Variants in WWC1 observed in about 807,000 individuals in gnomAD.
WWC1 encodes WW and C2 domain containing 1.
WWC1 carries 55 observed loss-of-function variants against 138.4 expected under a neutral mutation model. The ratio of observed to expected loss-of-function variants is 0.40; its 90% CI spans 0.32 to 0.50. The LOEUF (loss-of-function observed/expected upper bound fraction) is 0.50, where lower values mean the gene tolerates loss of function less well. WWC1 is among the 20% of genes least tolerant of loss of function. The pLI is 0.72. For synonymous variants in WWC1, 524 were observed against 564.9 expected, an observed-to-expected ratio of 0.93 and a Z score of 1.03; for missense variants, 1,226 against 1,420.4, an observed-to-expected ratio of 0.86 and a Z score of 2.20.
intron 1 of WWC1, among the ~76,000 whole-genome samples, chr5:168,317,591 A>G (rs73801877): frequency 1.3e-5 from 2 of 152,186 alleles, no homozygotes; most frequent in African/African-American, 2.4e-5. Flanking sequence ...ATCCTGTCCT[A>G]TTTCCCCCAT....
At position 168,292,098 on chromosome 5, in the gene WWC1, G is replaced by A; in HGVS notation, c.-55G>A. ...CTAAGAGCGGCCGGCTGGAGCCGCT[G>A]AGCCCCCGCTGCGGCCGGGAGCTGC... On this transcript the variant is annotated 5_prime_UTR_variant, in exon 1 of 23. An upstream open reading frame in the 5' UTR loses its in-frame stop. Transcript: ENST00000265293. The surrounding 1 kb of genome is among the most constrained non-coding windows in gnomAD (Gnocchi z 4.4). The A allele has an allele frequency of 6.8e-7, 1 of 1,474,938 alleles. No homozygotes were observed. The highest frequency in any genetic ancestry group is 9.0e-7 in the Non-Finnish European group (1 of 1,114,980). The allele number at this position is 1,474,938 out of a possible 1,614,324, so 91.4% of individuals were successfully genotyped here. A position where few individuals can be genotyped will look rare whatever the true frequency, so the allele number is the denominator to read the frequency against.
chr5:168,383,793 C>G (rs1777828452), intron 2 of WWC1, among the ~76,000 whole-genome samples: 1 of 152,122 alleles, frequency 6.6e-6, no homozygotes, highest in African/African-American at 2.4e-5. Flanking sequence ...TGTTGATCAC[C>G]CCTAACACCA....
At chr5:168,467,689 C>A in intron 21 of WWC1, 151 bp from the exon 22 acceptor site, 1 of 1,138,158 alleles carries the variant, frequency 8.8e-7, no homozygotes, top group Non-Finnish European at 1.2e-6. Flanking sequence ...TTGAGCACTT[C>A]CCATTATCGT....
intron 1 of WWC1, among the ~76,000 whole-genome samples, chr5:168,324,195 G>T (rs911681924): frequency 6.6e-6 from 1 of 152,212 alleles, no homozygotes; most frequent in Admixed American, 6.5e-5. Context: ...CAGCACTTTG[G>T]GAGGCTGAGG....
At chr5:168,450,066 G>C (rs1299351465) in intron 17 of WWC1, among the ~76,000 whole-genome samples, 1 of 152,208 alleles carries the variant, frequency 6.6e-6, no homozygotes, top group Non-Finnish European at 1.5e-5. Context: ...CTCTCGCCGA[G>C]CTAGCTAGCT....
chr5:168,308,714 A>C (rs1049756515), intron 1 of WWC1, among the ~76,000 whole-genome samples: 1 of 152,174 alleles, frequency 6.6e-6, no homozygotes, highest in African/African-American at 2.4e-5. Flanking sequence ...TTTTGATGGA[A>C]TCTTCAGTTT....
chr5:168,325,917 C>G (rs1772491265), intron 1 of WWC1, among the ~76,000 whole-genome samples: 1 of 152,160 alleles, frequency 6.6e-6, no homozygotes, highest in Admixed American at 6.5e-5. Context: ...TCCTTTGTGA[C>G]AGGTGGTTTC....
chr5:168,466,853 A>G (rs2152897314), intron 21 of WWC1, among the ~76,000 whole-genome samples: 1 of 152,264 alleles, frequency 6.6e-6, no homozygotes, highest in Admixed American at 6.5e-5. Flanking sequence ...TATTCGAAAG[A>G]CTGAGAAGTA....
chr5:168,294,413 G>C (rs1769340440), intron 1 of WWC1, among the ~76,000 whole-genome samples: 1 of 151,772 alleles, frequency 6.6e-6, no homozygotes, highest in South Asian at 2.1e-4. Flanking sequence ...AAAAAAGATA[G>C]GCAAACAAAA....
chr5:168,447,632 G>A (rs1755395814), intron 17 of WWC1, among the ~76,000 whole-genome samples: 1 of 152,116 alleles, frequency 6.6e-6, no homozygotes, highest in Admixed American at 6.5e-5. Flanking sequence ...CCCACTGGCT[G>A]TAGTTTGCTG....
intron 19 of WWC1, 90 bp from the exon 20 acceptor site, chr5:168,460,560 G>A (rs1582384239): frequency 1.6e-6 from 2 of 1,240,450 alleles, no homozygotes; most frequent in East Asian, 4.8e-5. Flanking sequence ...ACTGTGCCGA[G>A]TGGAGGAACC....
At chr5:168,367,648 C>T (rs975293038) in intron 1 of WWC1, among the ~76,000 whole-genome samples, 13 of 152,028 alleles carry the variant, frequency 8.6e-5, no homozygotes, top group Admixed American at 2.6e-4. Context: ...TAGCAGAGCT[C>T]GAGTTTTGGA....
chr5:168,461,107 T>C (rs190820756), intron 20 of WWC1, among the ~76,000 whole-genome samples: 1 of 152,078 alleles, frequency 6.6e-6, no homozygotes, highest in African/African-American at 2.4e-5. Flanking sequence ...GGTAGGAGGA[T>C]CACCTGAGGT....
chr5:168,347,494 A>C (rs747859747), intron 1 of WWC1, among the ~76,000 whole-genome samples: 6 of 152,202 alleles, frequency 3.9e-5, no homozygotes, highest in Non-Finnish European at 8.8e-5. Flanking sequence ...TATTGAAGAA[A>C]AGGTCGTGTG....
intron 3 of WWC1, among the ~76,000 whole-genome samples, chr5:168,393,165 T>C (rs1778633415): frequency 6.6e-6 from 1 of 152,124 alleles, no homozygotes; most frequent in South Asian, 2.1e-4. Flanking sequence ...GAGGAAAATA[T>C]GTTCCAGATA....
intron 1 of WWC1, among the ~76,000 whole-genome samples, chr5:168,315,439 C>T (rs1380798480): frequency 1.3e-5 from 2 of 152,020 alleles, no homozygotes; most frequent in African/African-American, 4.8e-5. Context: ...ACACCGTGTG[C>T]CCGCTGCGCT....
chr5:168,304,060 A>G (rs6555794), intron 1 of WWC1, among the ~76,000 whole-genome samples: 98,494 of 152,104 alleles, frequency 0.65, 32,150 homozygotes, highest in Middle Eastern at 0.76. Context: ...ATGAGAATAA[A>G]TTAGAATCCA....
chr5:168,360,399 G>A (rs1479211947), intron 1 of WWC1, among the ~76,000 whole-genome samples: 1 of 152,162 alleles, frequency 6.6e-6, no homozygotes, highest in Non-Finnish European at 1.5e-5. Flanking sequence ...TCAGTTTCCT[G>A]TTGGTGAAAT....
Position 168,385,320 on chromosome 5 carries a change from C to G in WWC1, c.339C>G (p.Ile113Met). 1 of 1,614,124 alleles carries G rather than the reference C, an allele frequency of 6.2e-7. No homozygotes were observed. The highest frequency in any genetic ancestry group is 8.5e-7 in the Non-Finnish European group (1 of 1,180,032). The stretch of plus-strand genomic sequence containing the variant: ...AGGCTCTGAGTGCACAAAAGGAGAT[C>G]TACCAGGTGAAGCAGCAGCGCCTGG... ...AQEALSAQKEIYQVKQQRLEL... is the reference protein window; with the variant it reads ...AQEALSAQKEMYQVKQQRLEL... The change falls in exon 3 of 23, where the codon ATC becomes ATG. Residue 113 changes from isoleucine (I) to methionine (M), a missense_variant. Around this residue, in one of 3 missense-constraint regions of WWC1, gnomAD observed 1,016 missense variants for 1,153.9 expected, o/e 0.88. Coordinates refer to ENST00000265293, the MANE Select transcript of WWC1 (RefSeq NM_015238.3).
Sources: allele counts gnomAD v4.1 joint callset (sites outside exome capture counted in the v4.1 genomes callset), GRCh38; gene constraint gnomAD v4.1.1; regional missense constraint gnomAD v4.1.1; non-coding constraint Gnocchi (gnomAD v3.1); transcripts MANE v1.5; gene names NCBI Gene and HGNC (gene_info 2026-07-23, HGNC 2026-07-21).